The following TAF2 variants were observed in gnomAD, a reference collection of about 807,000 sequenced individuals.
TAF2 encodes the protein transcription initiation factor TFIID subunit 2.
Under a neutral mutation model 138.5 loss-of-function variants are expected in TAF2, and 61 were observed. That is an observed-to-expected ratio of 0.44 (90% CI 0.36 to 0.54). The LOEUF is 0.54. TAF2 is among the 20% of genes least tolerant of loss of function. The probability of loss-of-function intolerance (pLI) is 0.00; values close to 1 mark genes in which losing one functional copy is unlikely to be tolerated. For synonymous variants in TAF2, 475 were observed against 469.9 expected (o/e 1.01, Z -0.14); for missense variants, 1,090 against 1,427.9 (o/e 0.76, Z 3.81).
At chr8:119,828,458 G>C (rs1363742397) in intron 2 of TAF2, among the ~76,000 whole-genome samples, 1 of 152,148 alleles carries the variant, frequency 6.6e-6, no homozygotes, top group Non-Finnish European at 1.5e-5. Context: ...AAATCTAGAG[G>C]ATTCCCTCAG....
intron 5 of TAF2, among the ~76,000 whole-genome samples, chr8:119,803,187 G>C (rs1028586788): frequency 9.2e-5 from 14 of 152,144 alleles, no homozygotes; most frequent in African/African-American, 3.1e-4. Flanking sequence ...CAGGTGAGAG[G>C]AGGTCTCTAT....
At position 119,750,591 on chromosome 8, in the gene TAF2, G is replaced by A. The variant is rs559909013; in HGVS notation, c.2879-3657C>T. On this transcript the variant is annotated intron_variant, in intron 22 of 25. Transcript: ENST00000378164. ...CTCATTTCTATTTATGTGTGTGTGT[G>A]TATATATATATAATTTCCTAAGCAG... 1.7e-3 allele frequency among the ~76,000 whole-genome samples: 251 copies of A among 152,050 alleles called. 2 individuals are homozygous for A. Among genetic ancestry groups the A allele is most frequent in the Middle Eastern group, 3.4e-3 (1 of 294 alleles).
chr8:119,742,593 C>T lies in TAF2; in HGVS notation c.3278G>A (p.Cys1093Tyr), dbSNP rs757257786. The change falls in exon 25 of 26, where the codon TGT becomes TAT. Residue 1093 changes from cysteine to tyrosine, a missense_variant. This residue lies in a region of TAF2 where 580 missense variants were observed against 719.6 expected (regional missense o/e 0.81). Transcript: ENST00000378164. ...SALIPQHSAG[C>Y]DSTPTTKPQW... is the part of the protein sequence containing the mutation. ...GGGTTTTGTGGTGGGTGTGCTGTCA[C>T]AGCCTGCTGAGTGCTGGGGTATTAA... is the stretch of plus-strand genomic sequence containing the variant. 2 of 1,613,848 alleles carry T rather than the reference C, an allele frequency of 1.2e-6. No homozygotes were observed. Among genetic ancestry groups the T allele is most frequent in the African/African-American group, 2.7e-5 (2 of 74,880 alleles).
chr8:119,800,161 G>T (rs1007020267), intron 6 of TAF2, among the ~76,000 whole-genome samples: 1 of 152,106 alleles, frequency 6.6e-6, no homozygotes, highest in African/African-American at 2.4e-5. Context: ...GATCCCATTT[G>T]TCAATTTTGG....
intron 22 of TAF2, among the ~76,000 whole-genome samples, chr8:119,753,043 C>T (rs886198679): frequency 1.1e-4 from 17 of 152,078 alleles, no homozygotes; most frequent in African/African-American, 4.1e-4. Flanking sequence ...TAAAACAATC[C>T]TCATTACCAT....
intron 10 of TAF2, 47 bp downstream of exon 10, chr8:119,793,319 T>TA (rs1207468468): frequency 1.4e-6 from 2 of 1,467,654 alleles, no homozygotes; most frequent in Non-Finnish European, 1.9e-6. Flanking sequence ...GAATAATTGT[T>TA]ATATATAGTC....
At chr8:119,829,345 T>C (rs1826294555) in intron 2 of TAF2, among the ~76,000 whole-genome samples, 1 of 152,166 alleles carries the variant, frequency 6.6e-6, no homozygotes, top group African/African-American at 2.4e-5. Flanking sequence ...ACACAGGTCC[T>C]ACAAGGTGAC....
At chr8:119,733,682 G>T (rs1411551544) in intron 25 of TAF2, among the ~76,000 whole-genome samples, 1 of 152,042 alleles carries the variant, frequency 6.6e-6, no homozygotes, top group Non-Finnish European at 1.5e-5. Context: ...TGCTTTACAT[G>T]CAGCCAACTT....
rs902646555 is a variant in TAF2, at chr8:119,745,829, GTGTGTGTGTGATA to G, written c.3108+863_3108+875del. 6.1e-5 allele frequency among the ~76,000 whole-genome samples: 9 copies of G among 147,886 alleles called. No individual in the cohort carries two copies. In the South Asian group the frequency reaches 1.3e-3, roughly 21 times the overall value. ...TGTGTGTGTGTGTGTGTGTGTGTGTGTGTGTGTGTGATATAAAATGTTTTAAAATGTAACACAC... is the reference window on the plus strand; with the variant it reads ...TGTGTGTGTGTGTGTGTGTGTGTGTGTAAAATGTTTTAAAATGTAACACAC... On this transcript the variant is annotated intron_variant, in intron 23 of 25. Transcript: ENST00000378164.
At chr8:119,823,492 G>GCCAC (rs57133149) in intron 2 of TAF2, among the ~76,000 whole-genome samples, 39,865 of 151,808 alleles carry the variant, frequency 0.26, 5,876 homozygotes, top group African/African-American at 0.39. Context: ...CTTTTTGCCT[G>GCCAC]CCACCATCCA....
intron 3 of TAF2, among the ~76,000 whole-genome samples, chr8:119,811,805 C>CAAAAAAAAAAAAAAAAAA (rs771523182): frequency 1.7e-5 from 1 of 60,344 alleles, no homozygotes; most frequent in African/African-American, 6.3e-5. Context: ...GACTCCGTCT[C>CAAAAAAAAAAAAAAAAAA]AAAAAAAAAA....
chr8:119,799,227 T>C (rs773661005), intron 6 of TAF2, among the ~76,000 whole-genome samples: 21 of 152,194 alleles, frequency 1.4e-4, no homozygotes, highest in Non-Finnish European at 2.5e-4. Flanking sequence ...TAAATATGTA[T>C]ACATGTGCCA....
Position 119,801,791 on chromosome 8 carries a change from T to C in TAF2, c.792+3A>G. 1 of 1,612,648 alleles carries C rather than the reference T, an allele frequency of 6.2e-7. No homozygotes were observed. The highest frequency in any genetic ancestry group is 8.5e-7 in the Non-Finnish European group (1 of 1,178,692). On this transcript the variant is annotated splice_donor_region_variant and intron_variant, in intron 6 of 25. Transcript: ENST00000378164. ...AGAGTAAGAGAGGAAAGCTCTGACTTACCTCATGCATGTATGGATCTACCA... is the reference window on the plus strand; with the variant it reads ...AGAGTAAGAGAGGAAAGCTCTGACTCACCTCATGCATGTATGGATCTACCA...
intron 2 of TAF2, among the ~76,000 whole-genome samples, chr8:119,830,059 C>T (rs1303069771): frequency 4.6e-5 from 7 of 151,618 alleles, no homozygotes; most frequent in Admixed American, 6.6e-5. Context: ...CCACCACAGC[C>T]GGCTAATTTT....
chr8:119,820,105 T>C (rs183406203), intron 2 of TAF2, among the ~76,000 whole-genome samples: 2 of 152,294 alleles, frequency 1.3e-5, no homozygotes, highest in East Asian at 1.9e-4. Flanking sequence ...TCTACCATGT[T>C]AGCTGTATGG....
At chr8:119,789,544 T>C in intron 12 of TAF2, 48 bp downstream of exon 12, 3 of 1,607,226 alleles carry the variant, frequency 1.9e-6, no homozygotes, top group Non-Finnish European at 2.5e-6. Context: ...CTTGCACACA[T>C]ACCTTATTCC....
chr8:119,764,961 A>T (rs942904525), intron 18 of TAF2, among the ~76,000 whole-genome samples: 6 of 152,192 alleles, frequency 3.9e-5, no homozygotes, highest in Non-Finnish European at 7.4e-5. Flanking sequence ...TATTAAAAAA[A>T]TACGTATTTT....
intron 25 of TAF2, among the ~76,000 whole-genome samples, chr8:119,735,080 G>A (rs576055501): frequency 6.6e-6 from 1 of 152,272 alleles, no homozygotes; most frequent in African/African-American, 2.4e-5. Context: ...GGTACTGGCA[G>A]GTCTGAGGCA....
At chr8:119,769,977 T>TC (rs1246416912) in intron 18 of TAF2, among the ~76,000 whole-genome samples, 2 of 151,880 alleles carry the variant, frequency 1.3e-5, no homozygotes, top group African/African-American at 4.8e-5. Flanking sequence ...CAGGATGGTC[T>TC]CCATCTCCTG....
Sources: gnomAD v4.1 joint callset for allele counts (sites outside exome capture counted in the v4.1 genomes callset) on GRCh38, gnomAD v4.1.1 for gene constraint, gnomAD v4.1.1 regional missense constraint, MANE v1.5 for transcripts, NCBI Gene and HGNC (gene_info 2026-07-23, HGNC 2026-07-21) for gene names.